RAB3C: variants seen among roughly 807,000 people sequenced by gnomAD.
RAB3C encodes ras-related protein Rab-3C.
RAB3C carries 17 observed loss-of-function variants against 26.4 expected under a neutral mutation model. That is an observed-to-expected ratio of 0.64 (90% CI 0.44 to 0.97). RAB3C has a LOEUF of 0.97. RAB3C is among the 50% of genes least tolerant of loss of function. RAB3C has a pLI of 0.00. For synonymous variants in RAB3C, 91 were observed against 95.9 expected (o/e 0.95, Z 0.30); for missense variants, 242 against 281.9 (o/e 0.86, Z 1.01).
chr5:58,699,365 T>G (rs1748788840), intron 2 of RAB3C, among the ~76,000 whole-genome samples: 3 of 152,206 alleles, frequency 2.0e-5, no homozygotes, highest in Non-Finnish European at 1.5e-5. Flanking sequence ...GCCACCTATA[T>G]GAGGTTTCTG....
intron 2 of RAB3C, among the ~76,000 whole-genome samples, chr5:58,657,563 G>A (rs937840731): frequency 2.6e-5 from 4 of 152,120 alleles, no homozygotes; most frequent in Non-Finnish European, 5.9e-5. Flanking sequence ...TCACAGATCC[G>A]CAGGAAGGTC....
intron 1 of RAB3C, among the ~76,000 whole-genome samples, chr5:58,607,726 C>G (rs1746603622): frequency 6.6e-6 from 1 of 152,164 alleles, no homozygotes; most frequent in African/African-American, 2.4e-5. Context: ...CGGCAGAAAC[C>G]CTACAAGTGA....
chr5:58,629,820 A>G (rs527977671), intron 2 of RAB3C, among the ~76,000 whole-genome samples: 2 of 152,212 alleles, frequency 1.3e-5, no homozygotes, highest in Non-Finnish European at 2.9e-5. Flanking sequence ...TCAGTGATTA[A>G]TCAAGTCCTG....
At chr5:58,639,521 A>G (rs1747366992) in intron 2 of RAB3C, among the ~76,000 whole-genome samples, 1 of 152,108 alleles carries the variant, frequency 6.6e-6, no homozygotes, top group Admixed American at 6.5e-5. Context: ...CATGGCAGAG[A>G]GAGGAGAGAG....
intron 3 of RAB3C, among the ~76,000 whole-genome samples, chr5:58,757,386 ATTTTCTGACATTGACTTTT>A (rs1309114520): frequency 6.8e-6 from 1 of 148,044 alleles, no homozygotes. Flanking sequence ...CTTTCTTTTT[ATTTTCTGACATTGACTTTT>A]TTTTCTGACA....
intron 1 of RAB3C, among the ~76,000 whole-genome samples, chr5:58,612,534 A>ATATG (rs1561266416): frequency 6.6e-4 from 68 of 102,750 alleles, no homozygotes; most frequent in African/African-American, 2.3e-3. Context: ...ATATATATAT[A>ATATG]TATATATATA....
At chr5:58,606,449 C>A (rs958576136) in intron 1 of RAB3C, among the ~76,000 whole-genome samples, 1 of 152,204 alleles carries the variant, frequency 6.6e-6, no homozygotes, top group Non-Finnish European at 1.5e-5. Flanking sequence ...CTATAGACTC[C>A]CCCTCTGTGG....
intron 4 of RAB3C, among the ~76,000 whole-genome samples, chr5:58,838,207 C>T (rs1579946720): frequency 6.6e-6 from 1 of 151,978 alleles, no homozygotes; most frequent in African/African-American, 2.4e-5. Flanking sequence ...AGTGAAACCC[C>T]GTCTCTACTA....
intron 3 of RAB3C, among the ~76,000 whole-genome samples, chr5:58,803,429 C>T (rs1742855450): frequency 6.6e-6 from 1 of 152,148 alleles, no homozygotes; most frequent in Admixed American, 6.5e-5. Context: ...AGTTAGACTT[C>T]CATTGAGGTA....
chr5:58,785,913 G>C (rs1742368684), intron 3 of RAB3C, among the ~76,000 whole-genome samples: 1 of 152,200 alleles, frequency 6.6e-6, no homozygotes, highest in East Asian at 1.9e-4. Context: ...AGCCATTGCT[G>C]GCTTTGAAGA....
intron 1 of RAB3C, among the ~76,000 whole-genome samples, chr5:58,596,754 A>C (rs1416253412): frequency 1.1e-5 from 1 of 90,360 alleles, no homozygotes; most frequent in Non-Finnish European, 1.9e-5. Flanking sequence ...ATAATACATA[A>C]TATATAAATA....
chr5:58,715,195 G>A (rs893677786), intron 2 of RAB3C, among the ~76,000 whole-genome samples: 4 of 149,522 alleles, frequency 2.7e-5, no homozygotes, highest in African/African-American at 7.3e-5. Context: ...CCACAAAAAC[G>A]TATTTAATTC....
chr5:58,852,570 T>G lies in RAB3C; in HGVS notation c.*1219T>G, dbSNP rs1411874248. The stretch of plus-strand genomic sequence containing the variant: ...CACAGGAAACATTCTATAACTGTAG[T>G]ATTTCAATTTCAGAAATATTTAGGA... On this transcript the variant is annotated 3_prime_UTR_variant, in exon 5 of 5. Coordinates refer to ENST00000282878, the MANE Select transcript of RAB3C (RefSeq NM_138453.4). 6.6e-6 allele frequency: 1 copy of G among 152,228 alleles called. No homozygotes were observed. Among genetic ancestry groups the G allele is most frequent in the Non-Finnish European group, 1.5e-5 (1 of 68,048 alleles). 9.4% of individuals were successfully genotyped at this position (152,228 alleles called of 1,614,324 possible). A position where few individuals can be genotyped will look rare whatever the true frequency, so the allele number is the denominator to read the frequency against.
intron 2 of RAB3C, among the ~76,000 whole-genome samples, chr5:58,675,581 AC>A (rs1286257068): frequency 3.4e-5 from 5 of 146,168 alleles, no homozygotes; most frequent in African/African-American, 1.3e-4. Context: ...GCTTCCCAAC[AC>A]AGCGTCAGCA....
At chr5:58,805,363 T>G (rs574605416) in intron 3 of RAB3C, among the ~76,000 whole-genome samples, 101 of 151,908 alleles carry the variant, frequency 6.6e-4, no homozygotes, top group African/African-American at 2.2e-3. Flanking sequence ...ATGGACAGAT[T>G]GTGAATTTGT....
chr5:58,695,173 T>C (rs1191604676), intron 2 of RAB3C, among the ~76,000 whole-genome samples: 1 of 152,202 alleles, frequency 6.6e-6, no homozygotes, highest in East Asian at 1.9e-4. Flanking sequence ...CCCAGCACCA[T>C]TTATTCAATA....
intron 2 of RAB3C, among the ~76,000 whole-genome samples, chr5:58,695,683 C>A (rs1166889781): frequency 1.3e-5 from 2 of 152,122 alleles, no homozygotes; most frequent in Non-Finnish European, 2.9e-5. Flanking sequence ...CTCTTTGTAG[C>A]AATTGTGAAT....
Position 58,583,203 on chromosome 5 carries a change from C to G in RAB3C, c.-6C>G. ...CCTAGCCAGAGAGAAAGGACATTTG[C>G]CAACAATGAGACACGAAGCGCCCAT... On this transcript the variant is annotated 5_prime_UTR_variant, in exon 1 of 5. Coordinates refer to ENST00000282878, the MANE Select transcript of RAB3C (RefSeq NM_138453.4). 6.2e-7 allele frequency: 1 copy of G among 1,614,184 alleles called. No homozygotes were observed. Among genetic ancestry groups the G allele is most frequent in the Non-Finnish European group, 8.5e-7 (1 of 1,180,038 alleles).
intron 2 of RAB3C, among the ~76,000 whole-genome samples, chr5:58,632,534 T>C (rs1747204978): frequency 6.6e-6 from 1 of 152,224 alleles, no homozygotes; most frequent in Non-Finnish European, 1.5e-5. Context: ...CTTCAGTCTA[T>C]AAACATTGAT....
Sources: gnomAD v4.1 joint callset for allele counts (sites outside exome capture counted in the v4.1 genomes callset) on GRCh38, gnomAD v4.1.1 for gene constraint, MANE v1.5 for transcripts, NCBI Gene and HGNC (gene_info 2026-07-23, HGNC 2026-07-21) for gene names.